The following FMN1 variants were observed in gnomAD, a reference collection of about 807,000 sequenced individuals.
FMN1 encodes formin-1.
Under a neutral mutation model 132.4 loss-of-function variants are expected in FMN1, and 110 were observed. The ratio of observed to expected loss-of-function variants is 0.83; its 90% confidence interval spans 0.71 to 0.97. The LOEUF (loss-of-function observed/expected upper bound fraction) is 0.97, where lower values mean the gene tolerates loss of function less well. FMN1 is among the 50% of genes least tolerant of loss of function. The pLI, the probability that FMN1 is intolerant of heterozygous loss-of-function variation, is 0.00. For synonymous variants in FMN1, 722 were observed against 651.7 expected, an observed-to-expected ratio of 1.11 and a Z score of -1.64; for missense variants, 1,792 against 1,705.3, an observed-to-expected ratio of 1.05 and a Z score of -0.90.
chr15:32,784,886 C>A (rs1217345885), intron 19 of FMN1, among the ~76,000 whole-genome samples: 1 of 152,090 alleles, frequency 6.6e-6, no homozygotes, highest in Non-Finnish European at 1.5e-5. Context: ...CTGCCCTATG[C>A]AACTTTCCAA....
In FMN1 at chr15:33,181,102, G is replaced by A. The variant is rs548247834; in HGVS notation, c.-196-840C>T. ...CCCTTATCATGGCCTGAAAGGCTCCGTGTGGTCAGGCCCCTGTTGATTTTT... is the reference window on the plus strand; with the variant it reads ...CCCTTATCATGGCCTGAAAGGCTCCATGTGGTCAGGCCCCTGTTGATTTTT... On this transcript the variant is annotated intron_variant, in intron 2 of 20. Coordinates refer to ENST00000616417, the MANE Select transcript of FMN1 (RefSeq NM_001277313.2). 4.6e-5 allele frequency among the ~76,000 whole-genome samples: 7 copies of A among 152,226 alleles called. No homozygotes were observed. The South Asian group carries it at 1.2e-3, about 27-fold the overall frequency.
intron 5 of FMN1, among the ~76,000 whole-genome samples, chr15:33,083,183 G>A (rs572331021): frequency 3.1e-4 from 47 of 152,192 alleles, no homozygotes; most frequent in Admixed American, 1.5e-3. Context: ...TAAAACCCTC[G>A]TAACTTCTTA....
chr15:32,854,635 G>A (rs983142442), intron 17 of FMN1, among the ~76,000 whole-genome samples: 4 of 152,120 alleles, frequency 2.6e-5, no homozygotes, highest in African/African-American at 7.2e-5. Context: ...CTGATTGGCC[G>A]GGCACAGTGG....
At chr15:32,960,028 A>C (rs2030327719) in intron 9 of FMN1, among the ~76,000 whole-genome samples, 1 of 152,220 alleles carries the variant, frequency 6.6e-6, no homozygotes, top group Non-Finnish European at 1.5e-5. Context: ...TTCAGGTAGA[A>C]ACAAGTCTTC....
intron 5 of FMN1, among the ~76,000 whole-genome samples, chr15:33,085,845 A>C (rs948566950): frequency 1.3e-5 from 2 of 152,180 alleles, no homozygotes; most frequent in African/African-American, 4.8e-5. Context: ...AATAACAGAG[A>C]AATAATTAAA....
At chr15:32,848,319 C>G (rs1381710699) in intron 17 of FMN1, among the ~76,000 whole-genome samples, 2 of 147,532 alleles carry the variant, frequency 1.4e-5, no homozygotes, top group Non-Finnish European at 2.9e-5. Context: ...GGGGTTCCAG[C>G]AGGTTCATGT....
At chr15:33,068,804 C>T (rs985322393) in intron 5 of FMN1, among the ~76,000 whole-genome samples, 2 of 152,200 alleles carry the variant, frequency 1.3e-5, no homozygotes, top group Non-Finnish European at 2.9e-5. Context: ...ACACCCACCA[C>T]ACCCAGTGTC....
In FMN1 at chr15:33,088,992, A is replaced by T; in HGVS notation, c.1868-18T>A. ...GGAGATACCTAAACAAACACAGAGA[A>T]GGCCATCAGTGACATGGCAGCCAAA... is the stretch of plus-strand genomic sequence containing the variant. On this transcript the variant is annotated intron_variant, in intron 4 of 20. Transcript: ENST00000616417. The T allele has an allele frequency of 2.0e-6, 3 of 1,520,964 alleles. No homozygotes were observed. The highest frequency in any genetic ancestry group is 2.6e-6 in the Non-Finnish European group (3 of 1,141,142). 94.2% of individuals were successfully genotyped at this position (1,520,964 alleles called of 1,614,324 possible). A position where few individuals can be genotyped will look rare whatever the true frequency, so the allele number is the denominator to read the frequency against.
rs2037837622 is a variant in FMN1, at chr15:33,068,209, T to G, written c.2044-3135A>C. The G allele has an allele frequency of 1.2e-5, 3 of 257,950 alleles. No individual in the cohort carries two copies. In the South Asian group the frequency reaches 2.6e-4, roughly 22 times the overall value. 16.0% of individuals were successfully genotyped at this position (257,950 alleles called of 1,614,324 possible). On this transcript the variant is annotated intron_variant, in intron 5 of 20. Coordinates refer to ENST00000616417, the MANE Select transcript of FMN1 (RefSeq NM_001277313.2). ...GTATTTATTCCCGGGGACAAAAGCC[T>G]TTTTGTCATAGGGAAAGTCAGCCTG...
At chr15:33,063,979 A>G (rs1255072691) in intron 6 of FMN1, 3 of 152,204 alleles carry the variant, frequency 2.0e-5, no homozygotes, top group Non-Finnish European at 4.4e-5. Context: ...AGAAAATGCT[A>G]TGAAGTAACC....
At chr15:33,139,788 C>T (rs1383039618) in intron 4 of FMN1, among the ~76,000 whole-genome samples, 2 of 152,152 alleles carry the variant, frequency 1.3e-5, no homozygotes, top group Non-Finnish European at 2.9e-5. Flanking sequence ...GATGGAACCT[C>T]ATTTTAATCA....
intron 4 of FMN1, among the ~76,000 whole-genome samples, chr15:33,126,506 C>T (rs370018722): frequency 2.0e-5 from 3 of 152,182 alleles, no homozygotes; most frequent in Admixed American, 6.5e-5. Flanking sequence ...TACATCTACT[C>T]CTCTTATTCG....
At position 33,125,497 on chromosome 15, in the gene FMN1, C is replaced by A. The variant is rs1971219; in HGVS notation, c.1867+27551G>T. 1.2e-4 allele frequency among the ~76,000 whole-genome samples: 19 copies of A among 152,030 alleles called. 1 individual carries two copies. Among genetic ancestry groups the A allele is most frequent in the Non-Finnish European group, 2.4e-4 (16 of 68,006 alleles). The stretch of plus-strand genomic sequence containing the variant: ...GTTATACAAATTAGTTATGTCTGGT[C>A]TTCAAATGAACCCTTCTCAAATTTG... On this transcript the variant is annotated intron_variant, in intron 4 of 20. Transcript: ENST00000616417.
At chr15:33,003,885 T>C (rs977760646) in intron 7 of FMN1, among the ~76,000 whole-genome samples, 20 of 152,152 alleles carry the variant, frequency 1.3e-4, no homozygotes, top group African/African-American at 2.9e-4. Flanking sequence ...TCAGAAATAA[T>C]GCCGCATATC....
intron 4 of FMN1, among the ~76,000 whole-genome samples, chr15:33,109,584 C>G (rs1163960524): frequency 1.3e-5 from 2 of 152,036 alleles, no homozygotes; most frequent in Non-Finnish European, 2.9e-5. Flanking sequence ...CAAACTAAGG[C>G]AGGAACAGAA....
rs1311672399 is a variant in FMN1, at chr15:33,187,468, C to T, written c.-197+6441G>A. ...GCTTGTGGATGCTGGAGGAAGGACACCCAGGCCCTACTTCCTGGCAGTGTC... is the reference window on the plus strand; with the variant it reads ...GCTTGTGGATGCTGGAGGAAGGACATCCAGGCCCTACTTCCTGGCAGTGTC... On this transcript the variant is annotated intron_variant, in intron 2 of 20. Coordinates refer to ENST00000616417, the MANE Select transcript of FMN1 (RefSeq NM_001277313.2). Among the ~76,000 whole-genome samples, 3 of 152,282 alleles carry T rather than the reference C, an allele frequency of 2.0e-5. No individual in the cohort carries two copies. In the East Asian group the frequency reaches 5.8e-4, roughly 29 times the overall value.
rs1423595159 is a variant in FMN1, at chr15:32,770,866, G to C, written c.*3444C>G. On this transcript the variant is annotated 3_prime_UTR_variant, in exon 21 of 21. Coordinates refer to ENST00000616417, the MANE Select transcript of FMN1 (RefSeq NM_001277313.2). ...TAATTCCTGAGTAGTTGCAGTGAGTGTGTAGAAAGACACCATCATCAACAT... is the reference window on the plus strand; with the variant it reads ...TAATTCCTGAGTAGTTGCAGTGAGTCTGTAGAAAGACACCATCATCAACAT... The C allele has an allele frequency of 1.3e-5, 2 of 152,000 alleles. No individual in the cohort carries two copies. Among genetic ancestry groups the C allele is most frequent in the Non-Finnish European group, 2.9e-5 (2 of 68,012 alleles). The allele number at this position is 152,000 out of a possible 1,614,324, so 9.4% of individuals were successfully genotyped here.
chr15:32,772,224 C>A lies in FMN1; in HGVS notation c.*2086G>T, dbSNP rs2056270662. The A allele has an allele frequency of 6.6e-6, 1 of 152,180 alleles. No individual in the cohort carries two copies. The highest frequency in any genetic ancestry group is 1.5e-5 in the Non-Finnish European group (1 of 68,058). 9.4% of individuals were successfully genotyped at this position (152,180 alleles called of 1,614,324 possible). ...AGGGTTACGTGGCCACAGTGGCAGC[C>A]CTGCTTACCTTCACTGATTTCTCGT... is the stretch of plus-strand genomic sequence containing the variant. On this transcript the variant is annotated 3_prime_UTR_variant, in exon 21 of 21. Coordinates refer to ENST00000616417, the MANE Select transcript of FMN1 (RefSeq NM_001277313.2).
rs1452797909 is a variant in FMN1 at position 32,857,115 on chromosome 15, G to C, written c.3836-8C>G. On this transcript the variant is annotated splice_polypyrimidine_tract_variant and splice_region_variant and intron_variant, in intron 16 of 20. Transcript: ENST00000616417. ...CCATCTGTTTCTCACTTGCTGTGAA[G>C]AGAAATTTAGAATTAGACTTAGGAA... The C allele has an allele frequency of 6.2e-7, 1 of 1,604,790 alleles. No homozygotes were observed.
Sources: gnomAD v4.1 joint callset for allele counts (sites outside exome capture counted in the v4.1 genomes callset) on GRCh38, gnomAD v4.1.1 for gene constraint, MANE v1.5 for transcripts, NCBI Gene and HGNC (gene_info 2026-07-23, HGNC 2026-07-21) for gene names.